Variants in PLA2G4A observed in about 807,000 individuals in gnomAD.
PLA2G4A encodes cytosolic phospholipase A2.
A neutral mutation model predicts 81.9 loss-of-function variants in PLA2G4A; 40 were observed. The observed-to-expected ratio is 0.49, with a 90% CI of 0.38 to 0.64. The LOEUF is 0.64. Among genes scored for constraint, PLA2G4A ranks in the 30% least tolerant of loss-of-function variants. The pLI is 0.00. For missense variants in PLA2G4A, 715 were observed against 905.1 expected, an observed-to-expected ratio of 0.79 and a Z score of 2.69; for synonymous variants, 302 against 296.9, an observed-to-expected ratio of 1.02 and a Z score of -0.18.
intron 1 of PLA2G4A, among the ~76,000 whole-genome samples, chr1:186,833,788 C>T (rs947656229): frequency 1.6e-4 from 25 of 152,162 alleles, no homozygotes; most frequent in Non-Finnish European, 8.8e-5. Context: ...TCACCATAAG[C>T]AGATTTGTAA....
In PLA2G4A at chr1:186,950,710, G is replaced by A. The variant is rs1360297970; in HGVS notation, c.1318G>A (p.Glu440Lys). Residue 440 changes from glutamate to lysine, a missense_variant, in exon 13 of 18, where the codon GAA becomes AAA. Glu to Lys is a moderately conservative substitution (Grantham distance 56). Coordinates refer to ENST00000367466, the MANE Select transcript of PLA2G4A (RefSeq NM_024420.3). ...VSNDSSDSDD[E>K]SHEPKGTENE... is the part of the protein sequence containing the mutation. ...TAATGATAGCTCGGACAGTGATGAT[G>A]AATCACACGAACCCAAAGGTGAGTG... 1 of 1,595,616 alleles carries A rather than the reference G, an allele frequency of 6.3e-7. No individual in the cohort carries two copies. The highest frequency in any genetic ancestry group is 8.6e-7 in the Non-Finnish European group (1 of 1,163,480).
intron 3 of PLA2G4A, among the ~76,000 whole-genome samples, chr1:186,879,916 T>C (rs1480592551): frequency 2.0e-5 from 3 of 151,900 alleles, no homozygotes; most frequent in Non-Finnish European, 4.4e-5. Flanking sequence ...TGTATACATG[T>C]GCCATGTTGG....
chr1:186,830,964 TTCTTTC>T (rs1651549190), intron 1 of PLA2G4A, among the ~76,000 whole-genome samples: 1 of 60,334 alleles, frequency 1.7e-5, no homozygotes, highest in Non-Finnish European at 3.5e-5. Flanking sequence ...CTTGCTTTCT[TTCTTTC>T]TTTCTTTCTT....
chr1:186,841,569 G>A (rs1236502106), intron 1 of PLA2G4A, among the ~76,000 whole-genome samples: 1 of 152,100 alleles, frequency 6.6e-6, no homozygotes, highest in East Asian at 1.9e-4. Context: ...TAAAGCCTCA[G>A]CTTACAAATT....
At chr1:186,842,581 G>C (rs780198353) in intron 1 of PLA2G4A, among the ~76,000 whole-genome samples, 11 of 152,128 alleles carry the variant, frequency 7.2e-5, no homozygotes, top group Non-Finnish European at 1.5e-4. Context: ...TTGAAAGGAG[G>C]CTGGTAGGGC....
rs543153678 is a variant in PLA2G4A at position 186,889,299 on chromosome 1, A to G, written c.116-3712A>G. Reference sequence around the variant, plus strand: ...AAAGTGTGACCAGAAGATGATCCACATCAGTGTCAGCTAGACTATTTGTTA... The same window carrying G: ...AAAGTGTGACCAGAAGATGATCCACGTCAGTGTCAGCTAGACTATTTGTTA... On this transcript the variant is annotated intron_variant, in intron 3 of 17. Coordinates refer to ENST00000367466, the MANE Select transcript of PLA2G4A (RefSeq NM_024420.3). Among the ~76,000 whole-genome samples the G allele has an allele frequency of 1.2e-4, 18 of 152,342 alleles. No individual in the cohort carries two copies. The South Asian group carries it at 1.9e-3, about 16-fold the overall frequency.
At chr1:186,920,418 G>T (rs9803785) in intron 7 of PLA2G4A, among the ~76,000 whole-genome samples, 85,807 of 152,054 alleles carry the variant, frequency 0.56, 25,839 homozygotes, top group African/African-American at 0.78. Flanking sequence ...GGGCGACTGG[G>T]GTGGTCACTA....
chr1:186,846,758 T>A (rs1462849337), intron 1 of PLA2G4A, among the ~76,000 whole-genome samples: 1 of 152,184 alleles, frequency 6.6e-6, no homozygotes, highest in Non-Finnish European at 1.5e-5. Flanking sequence ...TCTCTTTTTT[T>A]AAATTCTTCT....
In PLA2G4A at chr1:186,939,034, C is replaced by T. The variant is rs1217128195; in HGVS notation, c.722C>T (p.Pro241Leu). 4 of 1,604,318 alleles carry T rather than the reference C, an allele frequency of 2.5e-6. No individual in the cohort carries two copies. The highest frequency in any genetic ancestry group is 2.6e-6 in the Non-Finnish European group (3 of 1,171,328). ...TWYMSTLYSH[P>L]DFPEKGPEEI... ...TATATGTCAACCTTGTATTCTCACC[C>T]TGATTTTCCAGAGAAAGGGCCAGAG... Residue 241 changes from proline (P) to leucine (L), a missense_variant, in exon 9 of 18, where the codon CCT becomes CTT. Pro to Leu is a moderately conservative substitution (Grantham distance 98). Coordinates refer to ENST00000367466, the MANE Select transcript of PLA2G4A (RefSeq NM_024420.3).
At chr1:186,843,852 C>T (rs927894717) in intron 1 of PLA2G4A, among the ~76,000 whole-genome samples, 2 of 152,178 alleles carry the variant, frequency 1.3e-5, no homozygotes, top group African/African-American at 4.8e-5. Flanking sequence ...TTCTCTGAAG[C>T]CGTTTCTACT....
chr1:186,892,930 C>G lies in PLA2G4A; in HGVS notation c.116-81C>G, dbSNP rs995747181. Reference sequence around the variant, plus strand: ...TCACTACAGATTCATTGAGAATAAACTGACAACATATATTAATAAAAAAAT... The same window carrying G: ...TCACTACAGATTCATTGAGAATAAAGTGACAACATATATTAATAAAAAAAT... On this transcript the variant is annotated intron_variant, in intron 3 of 17. Coordinates refer to ENST00000367466, the MANE Select transcript of PLA2G4A (RefSeq NM_024420.3). 7 of 970,660 alleles carry G rather than the reference C, an allele frequency of 7.2e-6. No homozygotes were observed. In the East Asian group the frequency reaches 1.7e-4, roughly 24 times the overall value. 60.1% of individuals were successfully genotyped at this position (970,660 alleles called of 1,614,324 possible). A position where few individuals can be genotyped will look rare whatever the true frequency, so the allele number is the denominator to read the frequency against.
intron 7 of PLA2G4A, among the ~76,000 whole-genome samples, chr1:186,920,451 G>A (rs192130454): frequency 1.2e-4 from 19 of 152,280 alleles, no homozygotes; most frequent in Admixed American, 4.6e-4. Context: ...CACCAATATC[G>A]ACCAAAAACT....
intron 7 of PLA2G4A, among the ~76,000 whole-genome samples, chr1:186,919,123 G>A (rs1490810605): frequency 6.6e-6 from 1 of 152,226 alleles, no homozygotes; most frequent in Non-Finnish European, 1.5e-5. Flanking sequence ...GCCGACATAA[G>A]TTTTTCCTTT....
At chr1:186,970,531 T>C (rs534436781) in intron 15 of PLA2G4A, among the ~76,000 whole-genome samples, 17 of 152,202 alleles carry the variant, frequency 1.1e-4, no homozygotes, top group East Asian at 1.9e-4. Context: ...AGTAGTTTTA[T>C]AGCTTTAGGA....
At chr1:186,888,076 G>T (rs1166249984) in intron 3 of PLA2G4A, among the ~76,000 whole-genome samples, 3 of 152,156 alleles carry the variant, frequency 2.0e-5, no homozygotes, top group Non-Finnish European at 4.4e-5. Context: ...AAAGAATCAA[G>T]AGGAGAAATT....
At chr1:186,905,728 A>G (rs1654710035) in intron 5 of PLA2G4A, among the ~76,000 whole-genome samples, 2 of 152,130 alleles carry the variant, frequency 1.3e-5, no homozygotes, top group South Asian at 4.1e-4. Context: ...ACACAAACGA[A>G]CAGTAATTTG....
intron 1 of PLA2G4A, among the ~76,000 whole-genome samples, chr1:186,844,919 C>A (rs899994404): frequency 2.0e-5 from 3 of 152,176 alleles, no homozygotes; most frequent in African/African-American, 7.2e-5. Context: ...AATCCCCTCA[C>A]TTTGGGAGGC....
intron 7 of PLA2G4A, among the ~76,000 whole-genome samples, chr1:186,912,796 G>GTATA (rs529189242): frequency 3.9e-5 from 5 of 128,704 alleles, no homozygotes; most frequent in African/African-American, 6.3e-5. Context: ...ATATATATAT[G>GTATA]TATATATATA....
intron 16 of PLA2G4A, 111 bp downstream of exon 16, chr1:186,977,899 G>C: frequency 1.3e-6 from 1 of 782,950 alleles, no homozygotes. Flanking sequence ...ACTATTGAAT[G>C]CTTCCCTTAC....
Sources: allele counts gnomAD v4.1 joint callset (sites outside exome capture counted in the v4.1 genomes callset), GRCh38; gene constraint gnomAD v4.1.1; transcripts MANE v1.5; gene names NCBI Gene and HGNC (gene_info 2026-07-23, HGNC 2026-07-21).